The following PARD3B variants were observed in gnomAD, a reference collection of about 807,000 sequenced individuals.
PARD3B encodes par-3 family cell polarity regulator beta, also known as partitioning defective 3 homolog B.
Under a neutral mutation model 130.2 loss-of-function variants are expected in PARD3B, and 103 were observed. The ratio of observed to expected loss-of-function variants is 0.79; its 90% CI spans 0.67 to 0.93. PARD3B has a LOEUF of 0.93. Ranked by LOEUF, PARD3B falls within the 40% of genes least tolerant of loss-of-function variation. The pLI is 0.00. For missense variants in PARD3B, 1,609 were observed against 1,499.2 expected (o/e 1.07, Z -1.21); for synonymous variants, 583 against 553.2 (o/e 1.05, Z -0.76).
chr2:204,595,459 T>C (rs1190961465), intron 1 of PARD3B, among the ~76,000 whole-genome samples: 1 of 152,238 alleles, frequency 6.6e-6, no homozygotes, highest in Non-Finnish European at 1.5e-5. Context: ...CTGTTTCTTA[T>C]TGCTGTTCCA....
chr2:205,305,928 T>C (rs889523209), intron 18 of PARD3B, among the ~76,000 whole-genome samples: 1 of 152,234 alleles, frequency 6.6e-6, no homozygotes, highest in Non-Finnish European at 1.5e-5. Context: ...GTAAATATTT[T>C]GTTACATGAC....
intron 2 of PARD3B, among the ~76,000 whole-genome samples, chr2:204,895,069 A>T (rs762005688): frequency 1.4e-4 from 22 of 152,130 alleles, no homozygotes; most frequent in Non-Finnish European, 2.8e-4. Context: ...AAAAAACCCC[A>T]TAATTCAAGT....
At chr2:205,524,623 T>G (rs2051253211) in intron 21 of PARD3B, among the ~76,000 whole-genome samples, 2 of 152,158 alleles carry the variant, frequency 1.3e-5, no homozygotes, top group African/African-American at 4.8e-5. Flanking sequence ...ACTTTCTATC[T>G]TTTAGATTTT....
At chr2:205,037,472 AATATAGTGGACTATATATATAAAAT>A (rs1322115589) in intron 3 of PARD3B, among the ~76,000 whole-genome samples, 20 of 147,640 alleles carry the variant, frequency 1.4e-4, no homozygotes, top group South Asian at 4.2e-4. Context: ...ATATGCATAA[AATATAGTGGACTATATATATAAAAT>A]ATATAGTGGA....
Position 204,764,398 on chromosome 2 carries a change from G to A in PARD3B, c.222+78116G>A, listed in dbSNP as rs1574924681. 2.0e-5 allele frequency among the ~76,000 whole-genome samples: 3 copies of A among 152,154 alleles called. No homozygotes were observed. The South Asian group carries it at 6.2e-4, about 32-fold the overall frequency. On this transcript the variant is annotated intron_variant, in intron 2 of 22. Transcript: ENST00000406610. The stretch of plus-strand genomic sequence containing the variant: ...CTGTGTAGCCTTTCTTATCTATGTG[G>A]CAGTGGGCATGTCTTAAGCAAGTTC...
At chr2:204,710,756 C>G (rs1374310462) in intron 2 of PARD3B, among the ~76,000 whole-genome samples, 1 of 152,136 alleles carries the variant, frequency 6.6e-6, no homozygotes, top group Non-Finnish European at 1.5e-5. Flanking sequence ...GTGTTGGGGT[C>G]CTGGAATCTG....
chr2:205,275,837 CAAAAAAAAA>C (rs59238795), intron 16 of PARD3B, among the ~76,000 whole-genome samples: 4 of 60,652 alleles, frequency 6.6e-5, no homozygotes, highest in African/African-American at 1.2e-4. Flanking sequence ...AACTTTGTCT[CAAAAAAAAA>C]AAAAAAAAAA....
intron 1 of PARD3B, among the ~76,000 whole-genome samples, chr2:204,589,282 A>G (rs2032973450): frequency 6.6e-6 from 1 of 152,158 alleles, no homozygotes; most frequent in Non-Finnish European, 1.5e-5. Flanking sequence ...GCAAATAGAT[A>G]TTGGAGCAAA....
At chr2:205,216,951 C>A (rs758985312) in intron 15 of PARD3B, among the ~76,000 whole-genome samples, 5 of 151,992 alleles carry the variant, frequency 3.3e-5, no homozygotes, top group Non-Finnish European at 5.9e-5. Flanking sequence ...TTCTGGCTCT[C>A]GCACCCATAT....
At chr2:205,522,435 G>T (rs540424996) in intron 21 of PARD3B, among the ~76,000 whole-genome samples, 1 of 151,746 alleles carries the variant, frequency 6.6e-6, no homozygotes, top group Non-Finnish European at 1.5e-5. Context: ...GGACAGCGAC[G>T]TCTCCCATTT....
At chr2:204,975,590 C>T (rs1692074027) in intron 3 of PARD3B, among the ~76,000 whole-genome samples, 2 of 152,168 alleles carry the variant, frequency 1.3e-5, no homozygotes, top group African/African-American at 2.4e-5. Flanking sequence ...TTCTTACCTC[C>T]TTGTGTTATT....
intron 2 of PARD3B, among the ~76,000 whole-genome samples, chr2:204,722,886 C>CTCT (rs1428857886): frequency 6.6e-6 from 1 of 152,152 alleles, no homozygotes; most frequent in African/African-American, 2.4e-5. Flanking sequence ...CTGACTCCCA[C>CTCT]TCTTTCCCTC....
intron 18 of PARD3B, among the ~76,000 whole-genome samples, chr2:205,332,230 C>A (rs1052428040): frequency 1.3e-5 from 2 of 152,228 alleles, no homozygotes; most frequent in African/African-American, 4.8e-5. Flanking sequence ...TTTCTCACAT[C>A]ATCTTTGCTA....
chr2:205,295,822 C>G (rs886418488), intron 16 of PARD3B, among the ~76,000 whole-genome samples: 2 of 152,110 alleles, frequency 1.3e-5, no homozygotes, highest in African/African-American at 2.4e-5. Context: ...ATTAATCTAT[C>G]TTATCACAAT....
intron 2 of PARD3B, among the ~76,000 whole-genome samples, chr2:204,696,248 A>G (rs2037606295): frequency 6.6e-6 from 1 of 152,092 alleles, no homozygotes; most frequent in South Asian, 2.1e-4. Flanking sequence ...TCATGACCTG[A>G]GGTCTCATGA....
intron 3 of PARD3B, among the ~76,000 whole-genome samples, chr2:205,042,886 A>G (rs1286889941): frequency 1.3e-5 from 2 of 151,758 alleles, no homozygotes; most frequent in Non-Finnish European, 2.9e-5. Context: ...TGAAAAAAAA[A>G]AAAACCCAGC....
At chr2:204,960,747 G>C (rs1407115844) in intron 2 of PARD3B, among the ~76,000 whole-genome samples, 1 of 152,026 alleles carries the variant, frequency 6.6e-6, no homozygotes, top group Non-Finnish European at 1.5e-5. Context: ...AACAAACTCA[G>C]GGTTCTCATG....
At chr2:205,387,950 G>A (rs1273286036) in intron 18 of PARD3B, among the ~76,000 whole-genome samples, 1 of 152,150 alleles carries the variant, frequency 6.6e-6, no homozygotes, top group African/African-American at 2.4e-5. Context: ...GAATAAACAC[G>A]TAGCTGGGCA....
At chr2:205,317,397 G>A (rs1198756412) in intron 18 of PARD3B, among the ~76,000 whole-genome samples, 1 of 152,170 alleles carries the variant, frequency 6.6e-6, no homozygotes, top group South Asian at 2.1e-4. Context: ...TGGAAAGTCA[G>A]TTTCACAAAG....
Sources: gnomAD v4.1 joint callset for allele counts (sites outside exome capture counted in the v4.1 genomes callset) on GRCh38, gnomAD v4.1.1 for gene constraint, MANE v1.5 for transcripts, NCBI Gene and HGNC (gene_info 2026-07-23, HGNC 2026-07-21) for gene names.